Variants in SYNE1 observed in about 807,000 individuals in gnomAD.
SYNE1 encodes the protein nesprin-1.
In SYNE1, 616 loss-of-function variants were observed where a neutral mutation model predicts 1,111.0. That is an observed-to-expected ratio of 0.55 (90% CI 0.52 to 0.59). SYNE1 has a LOEUF of 0.59. SYNE1 is among the 20% of genes least tolerant of loss of function. SYNE1 has a pLI of 0.00. For missense variants in SYNE1, 10,006 were observed against 10,417.0 expected (o/e 0.96, Z 1.72); for synonymous variants, 3,855 against 3,825.8 (o/e 1.01, Z -0.28).
chr6:152,242,490 C>T lies in SYNE1; in HGVS notation c.19693-50G>A, dbSNP rs751171699. 3.1e-6 allele frequency: 5 copies of T among 1,602,398 alleles called. No individual in the cohort carries two copies. The Admixed American group carries it at 8.3e-5, about 27-fold the overall frequency. On this transcript the variant is annotated intron_variant, in intron 106 of 145. Coordinates refer to ENST00000367255, the MANE Select transcript of SYNE1 (RefSeq NM_182961.4). Reference sequence around the variant, plus strand: ...CACTCTCAATTCATATTCTGGCAACCCTCTAAAAGCATATGAACTATGAAC... The same window carrying T: ...CACTCTCAATTCATATTCTGGCAACTCTCTAAAAGCATATGAACTATGAAC...
chr6:152,263,546 C>G (rs1402103056), intron 100 of SYNE1, among the ~76,000 whole-genome samples: 1 of 151,848 alleles, frequency 6.6e-6, no homozygotes, highest in Non-Finnish European at 1.5e-5. Flanking sequence ...TATGCACCAC[C>G]AGACTTGGCT....
At chr6:152,151,357 T>C (rs777969282) in intron 135 of SYNE1, among the ~76,000 whole-genome samples, 196 bp downstream of exon 135, 1 of 152,098 alleles carries the variant, frequency 6.6e-6, no homozygotes, top group African/African-American at 2.4e-5. Context: ...ACTACCCAGA[T>C]ATAAGCAATA....
At position 152,387,175 on chromosome 6, in the gene SYNE1, G is replaced by C. The variant is rs214950; in HGVS notation, c.8384C>G (p.Ala2795Gly). 1 of 1,613,786 alleles carries C rather than the reference G, an allele frequency of 6.2e-7. No individual in the cohort carries two copies. The highest frequency in any genetic ancestry group is 8.5e-7 in the Non-Finnish European group (1 of 1,179,956). The part of the protein sequence containing the change: ...DHTRALHRLI[A>G]KSRELYEKTE... ...CTTTTCGTAGAGCTCCCTGGACTTC[G>C]CAATTAGACGGTGAAGGGCTCTCGT... The change falls in exon 54 of 146, where the codon GCG (alanine) becomes GGG (glycine). Residue 2795 changes from alanine (A) to glycine (G), a missense_variant. Physicochemically the swap from Ala to Gly is moderately conservative, Grantham distance 60. This residue lies in a region of SYNE1 where 4,955 missense variants were observed against 5,017.2 expected (regional missense o/e 0.99). Coordinates refer to ENST00000367255, the MANE Select transcript of SYNE1 (RefSeq NM_182961.4).
chr6:152,331,137 C>T lies in SYNE1; in HGVS notation c.13548G>A (p.Gln4516=). Residue 4516 remains glutamine (Q), a synonymous_variant, in exon 78 of 146, where the codon CAG becomes CAA. Coordinates refer to ENST00000367255, the MANE Select transcript of SYNE1 (RefSeq NM_182961.4). ...YQNEVTGLWA[Q]GRELMKEVTE... ...TGACTTCCTTCATTAGTTCGCGACCCTGGGCCCAAAGTCCAGTGACTTCAT... is the reference window on the plus strand; with the variant it reads ...TGACTTCCTTCATTAGTTCGCGACCTTGGGCCCAAAGTCCAGTGACTTCAT... 1.2e-6 allele frequency: 2 copies of T among 1,614,148 alleles called. No homozygotes were observed. Among genetic ancestry groups the T allele is most frequent in the Non-Finnish European group, 1.7e-6 (2 of 1,180,042 alleles).
chr6:152,224,423 C>A (rs1314138654), intron 117 of SYNE1, 71 bp downstream of exon 117: 2 of 1,320,596 alleles, frequency 1.5e-6, no homozygotes, highest in Non-Finnish European at 2.2e-6. Context: ...AGGATGATGT[C>A]TCCATTTGGT....
Position 152,151,636 on chromosome 6 carries a change from A to G in SYNE1, c.24367T>C (p.Trp8123Arg). The change falls in exon 135 of 146, where the codon TGG becomes CGG. Residue 8123 changes from tryptophan to arginine, a missense_variant. Transcript: ENST00000367255. ...AGCTGCAGATCCATCTCTGTGAGCC[A>G]GACCAGAATGCTGTCCCGCGCAGTC... ...FETARDSILV[W>R]LTEMDLQLTN... 6.2e-7 allele frequency: 1 copy of G among 1,614,212 alleles called. No individual in the cohort carries two copies. Among genetic ancestry groups the G allele is most frequent in the South Asian group, 1.1e-5 (1 of 91,070 alleles).
At chr6:152,282,104 T>C in intron 96 of SYNE1, 124 bp from the exon 97 acceptor site, 3 of 1,004,444 alleles carry the variant, frequency 3.0e-6, no homozygotes, top group African/African-American at 1.6e-5. Context: ...CTTTTAAAAA[T>C]TTCCTTTGCT....
intron 115 of SYNE1, 91 bp downstream of exon 115, chr6:152,230,456 T>A (rs1337922806): frequency 2.2e-6 from 3 of 1,348,668 alleles, no homozygotes; most frequent in Non-Finnish European, 3.1e-6. Context: ...TTTAAAAAAA[T>A]ATTTAACTTG....
At chr6:152,411,988 CGT>C (rs1465165423) in intron 42 of SYNE1, among the ~76,000 whole-genome samples, 1 of 152,080 alleles carries the variant, frequency 6.6e-6, no homozygotes, top group Non-Finnish European at 1.5e-5. Context: ...TAAAAACTTA[CGT>C]ACATGCAAAA....
At chr6:152,599,390 G>A (rs188850267) in intron 3 of SYNE1, among the ~76,000 whole-genome samples, 275 of 152,208 alleles carry the variant, frequency 1.8e-3, no homozygotes, top group Non-Finnish European at 1.5e-3. Flanking sequence ...CCCACTTCCC[G>A]CCCTTGACAT....
intron 53 of SYNE1, 150 bp from the exon 54 acceptor site, chr6:152,387,531 T>A: frequency 1.3e-6 from 1 of 741,616 alleles, no homozygotes; most frequent in Non-Finnish European, 2.3e-6. Flanking sequence ...GGAGAAACAC[T>A]ACTTCTCTGA....
intron 82 of SYNE1, among the ~76,000 whole-genome samples, chr6:152,323,076 A>G (rs1426302564): frequency 6.6e-6 from 1 of 152,202 alleles, no homozygotes; most frequent in Non-Finnish European, 1.5e-5. Flanking sequence ...ATGGGAACGG[A>G]TCCCCACATT....
At chr6:152,327,473 A>G (rs1019913346) in intron 78 of SYNE1, among the ~76,000 whole-genome samples, 2 of 152,216 alleles carry the variant, frequency 1.3e-5, no homozygotes, top group South Asian at 2.1e-4. Flanking sequence ...TGGCTGGTCC[A>G]TTCAATTCCA....
At chr6:152,309,169 A>G (rs2095473480) in intron 90 of SYNE1, among the ~76,000 whole-genome samples, 1 of 152,224 alleles carries the variant, frequency 6.6e-6, no homozygotes, top group Non-Finnish European at 1.5e-5. Flanking sequence ...ACAAAAGTAT[A>G]TACACATATG....
intron 101 of SYNE1, among the ~76,000 whole-genome samples, chr6:152,261,011 CA>C (rs370394255): frequency 2.0e-5 from 3 of 152,250 alleles, no homozygotes; most frequent in African/African-American, 7.2e-5. Flanking sequence ...TTAACTCTGG[CA>C]GGTTGCGCCT....
At chr6:152,580,349 C>T (rs2099515291) in intron 3 of SYNE1, among the ~76,000 whole-genome samples, 1 of 152,042 alleles carries the variant, frequency 6.6e-6, no homozygotes, top group South Asian at 2.1e-4. Context: ...GCCCATTTTT[C>T]AATGGGGTTG....
chr6:152,137,931 C>T (rs1585855270), intron 140 of SYNE1, among the ~76,000 whole-genome samples: 1 of 152,150 alleles, frequency 6.6e-6, no homozygotes, highest in East Asian at 1.9e-4. Context: ...GGATGACTTT[C>T]AAGGTCTTAT....
chr6:152,433,719 A>C, intron 34 of SYNE1, 76 bp downstream of exon 34: 1 of 1,555,672 alleles, frequency 6.4e-7, no homozygotes, highest in Non-Finnish European at 8.9e-7. Flanking sequence ...GGGACCGAAC[A>C]GCATTTGATG....
chr6:152,507,523 A>G (rs1249915781), intron 8 of SYNE1, among the ~76,000 whole-genome samples: 1 of 152,160 alleles, frequency 6.6e-6, no homozygotes, highest in African/African-American at 2.4e-5. Flanking sequence ...AGTAGTAGGT[A>G]ATATTCCTTA....
Sources: gnomAD v4.1 joint callset for allele counts (sites outside exome capture counted in the v4.1 genomes callset) on GRCh38, gnomAD v4.1.1 for gene constraint, gnomAD v4.1.1 regional missense constraint, MANE v1.5 for transcripts, NCBI Gene and HGNC (gene_info 2026-07-23, HGNC 2026-07-21) for gene names.